KCNQ2: variants seen among roughly 807,000 people sequenced by gnomAD.
The protein encoded by KCNQ2 is potassium voltage-gated channel subfamily Q member 2, also known as potassium voltage-gated channel subfamily KQT member 2.
Under a neutral mutation model 84.8 loss-of-function variants are expected in KCNQ2, and 14 were observed. The ratio of observed to expected loss-of-function variants is 0.17; its 90% CI spans 0.11 to 0.26. KCNQ2 has a LOEUF of 0.26. Ranked by LOEUF, KCNQ2 falls within the 10% of genes least tolerant of loss-of-function variation. The pLI, the probability that KCNQ2 is intolerant of heterozygous loss-of-function variation, is 1.00. For synonymous variants in KCNQ2, 599 were observed against 554.1 expected (o/e 1.08, Z -1.14); for missense variants, 788 against 1,254.0 (o/e 0.63, Z 5.61).
At chr20:63,465,081 A>G (rs1398468592) in intron 1 of KCNQ2, among the ~76,000 whole-genome samples, 1 of 152,252 alleles carries the variant, frequency 6.6e-6, no homozygotes, top group Non-Finnish European at 1.5e-5. Context: ...CCGGGAAGCG[A>G]CAGGCGCAGG....
chr20:63,420,705 C>G (rs1372379600), intron 11 of KCNQ2, among the ~76,000 whole-genome samples: 1 of 152,086 alleles, frequency 6.6e-6, no homozygotes, highest in African/African-American at 2.4e-5. Flanking sequence ...CTCAGCCGCC[C>G]GGGTAGGCTG....
chr20:63,448,768 C>G lies in KCNQ2; in HGVS notation c.297-1931G>C, dbSNP rs2081513129. 2.0e-5 allele frequency among the ~76,000 whole-genome samples: 3 copies of G among 152,034 alleles called. No homozygotes were observed. The South Asian group carries it at 6.2e-4, about 32-fold the overall frequency. On this transcript the variant is annotated intron_variant, in intron 1 of 16. Transcript: ENST00000359125. ...GGCACGGGCATCCTGGGGGAAGTCC[C>G]TCCAGCCCGGATACGCCCACCCCTG...
chr20:63,444,628 G>A (rs757137468), intron 4 of KCNQ2, 31 bp downstream of exon 4: 53 of 1,495,610 alleles, frequency 3.5e-5, no homozygotes, highest in African/African-American at 4.2e-5. Context: ...GGCTGGGGGC[G>A]CCCACCGCCA....
Position 63,460,917 on chromosome 20 carries a change from A to G in KCNQ2, c.296+11251T>C, listed in dbSNP as rs1203413523. The G allele has an allele frequency of 1.3e-5, 2 of 152,268 alleles. No homozygotes were observed. The highest frequency in any genetic ancestry group is 2.4e-5 in the African/African-American group (1 of 41,460). The allele number at this position is 152,268 out of a possible 1,614,324, so 9.4% of individuals were successfully genotyped here. A position where few individuals can be genotyped will look rare whatever the true frequency, so the allele number is the denominator to read the frequency against. On this transcript the variant is annotated intron_variant, in intron 1 of 16. Coordinates refer to ENST00000359125, the MANE Select transcript of KCNQ2 (RefSeq NM_172107.4). This position sits in a 1 kb window ranked among gnomAD's most constrained non-coding sequence, Gnocchi z 5.4. ...CTGCGGCAGCCCCAGGTCAGAGACA[A>G]GCCAACTACCTGGCACGCGAGACTC...
Position 63,407,136 on chromosome 20 carries a change from A to C in KCNQ2, c.2127T>G (p.Pro709=), listed in dbSNP as rs113174319. 1.3e-6 allele frequency: 2 copies of C among 1,566,358 alleles called. No individual in the cohort carries two copies. Among genetic ancestry groups the C allele is most frequent in the Non-Finnish European group, 1.7e-6 (2 of 1,159,736 alleles). ...KNFSAPPAAP[P]VQCPPSTSWQ... ...AGGAGGTGGAGGGCGGACACTGGAC[A>C]GGGGGCGCGGCCGGGGGCGCCGAGA... Residue 709 remains proline (P), a synonymous_variant, in exon 17 of 17, where the codon CCT becomes CCG. Coordinates refer to ENST00000359125, the MANE Select transcript of KCNQ2 (RefSeq NM_172107.4). This position sits in a 1 kb window ranked among gnomAD's most constrained non-coding sequence, Gnocchi z 7.2.
chr20:63,431,035 G>A (rs1048562948), intron 9 of KCNQ2, among the ~76,000 whole-genome samples: 2 of 152,186 alleles, frequency 1.3e-5, no homozygotes, highest in African/African-American at 2.4e-5. Flanking sequence ...ACGAGACCAC[G>A]GGGGACACAG....
Position 63,406,696 on chromosome 20 carries a change from G to A in KCNQ2, c.2567C>T (p.Ala856Val), listed in dbSNP as rs1238910434. Residue 856 changes from alanine (A) to valine (V), a missense_variant, in exon 17 of 17, where the codon GCC becomes GTC. Physicochemically the swap from Ala to Val is moderately conservative, Grantham distance 64 (BLOSUM62 0). Coordinates refer to ENST00000359125, the MANE Select transcript of KCNQ2 (RefSeq NM_172107.4). ...CTPCGPPPRS[A>V]TGEGPFGDVG... ...GTCACCAAAGGGACCCTCGCCGGTG[G>A]CCGAGCGTGGCGGGGGCCCGCACGG... 6.2e-7 allele frequency: 1 copy of A among 1,606,688 alleles called. No homozygotes were observed. Among genetic ancestry groups the A allele is most frequent in the Non-Finnish European group, 8.5e-7 (1 of 1,177,914 alleles).
At chr20:63,419,483 G>A (rs1216432434) in intron 12 of KCNQ2, 136 bp downstream of exon 12, 14 of 824,304 alleles carry the variant, frequency 1.7e-5, no homozygotes, top group South Asian at 4.7e-5. Context: ...AGCTGAGCCC[G>A]CACCGCCAGG....
At position 63,406,351 on chromosome 20, in the gene KCNQ2, GCTGATGTCGGCCGCGGCC is replaced by G; in HGVS notation, c.*275_*292del. On this transcript the variant is annotated 3_prime_UTR_variant, in exon 17 of 17. Coordinates refer to ENST00000359125, the MANE Select transcript of KCNQ2 (RefSeq NM_172107.4). ...TCACTCCCGCCCCTCCTCACACCGG[GCTGATGTCGGCCGCGGCC>G]CTGAGCAGAGTGGACAGGGCAGCCT... 2.4e-6 allele frequency: 1 copy of G among 417,360 alleles called. No homozygotes were observed. The highest frequency in any genetic ancestry group is 4.4e-6 in the Non-Finnish European group (1 of 229,364). 25.9% of individuals were successfully genotyped at this position (417,360 alleles called of 1,614,324 possible).
At chr20:63,464,493 G>A (rs1048059412) in intron 1 of KCNQ2, among the ~76,000 whole-genome samples, 7 of 152,222 alleles carry the variant, frequency 4.6e-5, no homozygotes, top group Non-Finnish European at 1.0e-4. Context: ...GGGGACCTGC[G>A]TGTGATGCCC....
At chr20:63,431,766 C>T (rs2080794210) in intron 8 of KCNQ2, among the ~76,000 whole-genome samples, 1 of 152,196 alleles carries the variant, frequency 6.6e-6, no homozygotes, top group Admixed American at 6.5e-5. Context: ...CGGGTCTGTC[C>T]ACCCTGGCCA....
In KCNQ2 at chr20:63,403,020, C is replaced by T. The variant is rs3746368; in HGVS notation, c.*3624G>A. ...CCTGCCTGGGCTGGGGCCTGGGATTCGAGGCTGAGCCACCCATCCCAGGAG... is the reference window on the plus strand; with the variant it reads ...CCTGCCTGGGCTGGGGCCTGGGATTTGAGGCTGAGCCACCCATCCCAGGAG... On this transcript the variant is annotated 3_prime_UTR_variant, in exon 17 of 17. Coordinates refer to ENST00000359125, the MANE Select transcript of KCNQ2 (RefSeq NM_172107.4). 0.074 allele frequency: 11,233 copies of T among 152,310 alleles called. 837 individuals are homozygous for T. The highest frequency in any genetic ancestry group is 0.45 in the East Asian group (2,333 of 5,162). The allele number at this position is 152,310 out of a possible 1,614,324, so 9.4% of individuals were successfully genotyped here. A position where few individuals can be genotyped will look rare whatever the true frequency, so the allele number is the denominator to read the frequency against.
At chr20:63,410,271 C>T (rs906461565) in intron 15 of KCNQ2, among the ~76,000 whole-genome samples, 2 of 152,188 alleles carry the variant, frequency 1.3e-5, no homozygotes, top group South Asian at 2.1e-4. Context: ...CTGCTCAGTC[C>T]CAATAGGAGC....
chr20:63,443,520 TCACCATCACCACCAC>T (rs1390193348), intron 4 of KCNQ2: 2 of 90,262 alleles, frequency 2.2e-5, no homozygotes, highest in South Asian at 3.9e-4. Context: ...ATCACCACCA[TCACCATCACCACCAC>T]CACCACCATG....
At position 63,403,285 on chromosome 20, in the gene KCNQ2, A is replaced by T. The variant is rs548383100; in HGVS notation, c.*3359T>A. 15 of 152,378 alleles carry T rather than the reference A, an allele frequency of 9.8e-5. No individual in the cohort carries two copies. The highest frequency in any genetic ancestry group is 3.6e-4 in the African/African-American group (15 of 41,562). The allele number at this position is 152,378 out of a possible 1,614,324, so 9.4% of individuals were successfully genotyped here. ...ATTCCAGCATCACCACGACCCCTAA[A>T]GCCACAATTACTCCTTGTAGCCCCT... is the stretch of plus-strand genomic sequence containing the variant. On this transcript the variant is annotated 3_prime_UTR_variant, in exon 17 of 17. Coordinates refer to ENST00000359125, the MANE Select transcript of KCNQ2 (RefSeq NM_172107.4).
chr20:63,411,165 G>A (rs193186751), intron 15 of KCNQ2: 14 of 371,114 alleles, frequency 3.8e-5, no homozygotes, highest in Admixed American at 1.4e-4. Flanking sequence ...CGCCTGTGCC[G>A]GGCACCTGGC....
intron 7 of KCNQ2, chr20:63,434,647 G>A (rs910271632): frequency 6.6e-6 from 1 of 152,122 alleles, no homozygotes; most frequent in Non-Finnish European, 1.5e-5. Context: ...GGGTGTACGG[G>A]GCTCCACGGA....
At chr20:63,417,446 C>A (rs1164932316) in intron 12 of KCNQ2, among the ~76,000 whole-genome samples, 1 of 152,242 alleles carries the variant, frequency 6.6e-6, no homozygotes, top group African/African-American at 2.4e-5. Context: ...GAGAAGCAGC[C>A]ACCTCCTTTC....
In KCNQ2 at chr20:63,472,484, C is replaced by G; in HGVS notation, c.-21G>C. 4 of 1,487,218 alleles carry G rather than the reference C, an allele frequency of 2.7e-6. 1 individual carries two copies. In the South Asian group the frequency reaches 3.8e-5, roughly 14 times the overall value. 92.1% of individuals were successfully genotyped at this position (1,487,218 alleles called of 1,614,324 possible). On this transcript the variant is annotated 5_prime_UTR_variant, in exon 1 of 17. Transcript: ENST00000359125. ...ACCATGGTGCCTGGCGGGAGGCGCC[C>G]CGGGTCGGGCTCAGGCTCAGCGGGG...
Sources: allele counts gnomAD v4.1 joint callset (sites outside exome capture counted in the v4.1 genomes callset), GRCh38; gene constraint gnomAD v4.1.1; non-coding constraint Gnocchi (gnomAD v3.1); transcripts MANE v1.5; gene names NCBI Gene and HGNC (gene_info 2026-07-23, HGNC 2026-07-21).